MAPK10: variants seen among roughly 807,000 people sequenced by gnomAD.
MAPK10 encodes mitogen-activated protein kinase 10.
Under a neutral mutation model 59.3 loss-of-function variants are expected in MAPK10, and 25 were observed. The ratio of observed to expected loss-of-function variants is 0.42; its 90% confidence interval spans 0.31 to 0.59. The LOEUF is 0.59. Ranked by LOEUF, MAPK10 falls within the 20% of genes least tolerant of loss-of-function variation. The probability of loss-of-function intolerance (pLI) is 0.15; values close to 1 mark genes in which losing one functional copy is unlikely to be tolerated. For synonymous variants in MAPK10, 190 were observed against 200.5 expected (o/e 0.95, Z 0.44); for missense variants, 351 against 568.9 (o/e 0.62, Z 3.90).
intron 2 of MAPK10, among the ~76,000 whole-genome samples, chr4:86,228,421 C>CT (rs1234541158): frequency 6.6e-6 from 1 of 152,170 alleles, no homozygotes; most frequent in Non-Finnish European, 1.5e-5. Flanking sequence ...ATATCATGTT[C>CT]TTTTTTCCTT....
At chr4:86,590,962 G>A (rs952749350) in intron 1 of MAPK10, among the ~76,000 whole-genome samples, 52 of 151,998 alleles carry the variant, frequency 3.4e-4, no homozygotes, top group African/African-American at 1.2e-3. Flanking sequence ...TTTTAGAGAA[G>A]GGATCTTGCT....
chr4:86,204,168 T>C (rs2083291951), intron 2 of MAPK10, among the ~76,000 whole-genome samples: 1 of 151,948 alleles, frequency 6.6e-6, no homozygotes, highest in African/African-American at 2.4e-5. Flanking sequence ...TTTGCCAACC[T>C]CTGATTTAGA....
At chr4:86,408,686 G>A (rs1466873542) in intron 1 of MAPK10, among the ~76,000 whole-genome samples, 4 of 152,170 alleles carry the variant, frequency 2.6e-5, no homozygotes, top group South Asian at 2.1e-4. Flanking sequence ...TCTGTTGGCT[G>A]CATAAATGTC....
intron 1 of MAPK10, among the ~76,000 whole-genome samples, chr4:86,588,288 T>G (rs1427247088): frequency 6.6e-6 from 1 of 152,224 alleles, no homozygotes; most frequent in Non-Finnish European, 1.5e-5. Flanking sequence ...ATGGCCAGCT[T>G]TCTAATTTCC....
chr4:86,491,536 G>A (rs1423146301), intron 1 of MAPK10, among the ~76,000 whole-genome samples: 1 of 152,128 alleles, frequency 6.6e-6, no homozygotes, highest in Non-Finnish European at 1.5e-5. Flanking sequence ...CAAAATATCT[G>A]GTTTCGCAGG....
At chr4:86,116,591 A>T (rs1014305934) in intron 4 of MAPK10, among the ~76,000 whole-genome samples, 1 of 152,178 alleles carries the variant, frequency 6.6e-6, no homozygotes, top group South Asian at 2.1e-4. Flanking sequence ...AACTGAGAAA[A>T]TCCCACCCTG....
chr4:86,593,244 G>C (rs1295271504), intron 1 of MAPK10, among the ~76,000 whole-genome samples: 2 of 152,140 alleles, frequency 1.3e-5, no homozygotes, highest in Non-Finnish European at 2.9e-5. Flanking sequence ...ATAAGCCTCA[G>C]ATCTCTCCAC....
At chr4:86,070,244 T>C (rs1291248303) in intron 9 of MAPK10, among the ~76,000 whole-genome samples, 1 of 152,178 alleles carries the variant, frequency 6.6e-6, no homozygotes, top group East Asian at 1.9e-4. Context: ...CAAAAACATA[T>C]GTGTGTGTAT....
chr4:86,535,912 T>C (rs2149093139), intron 1 of MAPK10, among the ~76,000 whole-genome samples: 1 of 152,340 alleles, frequency 6.6e-6, no homozygotes, highest in South Asian at 2.1e-4. Context: ...AGAAGATTCC[T>C]ATCAAGTCTA....
chr4:86,070,048 C>T (rs1489872325), intron 9 of MAPK10, among the ~76,000 whole-genome samples: 1 of 152,108 alleles, frequency 6.6e-6, no homozygotes, highest in African/African-American at 2.4e-5. Context: ...TCTTTCCTAC[C>T]TTAGGTTGCT....
At chr4:86,386,636 A>G (rs1741514248) in intron 1 of MAPK10, among the ~76,000 whole-genome samples, 1 of 151,804 alleles carries the variant, frequency 6.6e-6, no homozygotes, top group Admixed American at 6.6e-5. Context: ...GAAAGGTCCT[A>G]TTTACTGGCC....
At chr4:86,515,212 A>T (rs997308967) in intron 1 of MAPK10, among the ~76,000 whole-genome samples, 4 of 152,162 alleles carry the variant, frequency 2.6e-5, no homozygotes, top group African/African-American at 9.7e-5. Context: ...GTAGTATTCC[A>T]CAGTTTCTGT....
At chr4:86,089,223 A>G in intron 9 of MAPK10, 1 of 1,612,470 alleles carries the variant, frequency 6.2e-7, no homozygotes, top group Non-Finnish European at 8.5e-7. Flanking sequence ...GCCAGGAAAC[A>G]GCACTGCACC....
At chr4:86,152,994 T>C (rs1471998877) in intron 4 of MAPK10, among the ~76,000 whole-genome samples, 1 of 152,202 alleles carries the variant, frequency 6.6e-6, no homozygotes, top group Admixed American at 6.5e-5. Context: ...ATATTTATAT[T>C]TGGGCTGTAG....
At chr4:86,547,581 C>T (rs544916578) in intron 1 of MAPK10, among the ~76,000 whole-genome samples, 62 of 152,314 alleles carry the variant, frequency 4.1e-4, no homozygotes, top group African/African-American at 1.2e-3. Flanking sequence ...CCCCTAAGAG[C>T]GCCGCCCCCT....
At chr4:86,080,824 C>A (rs1230209693) in intron 9 of MAPK10, 1 of 151,908 alleles carries the variant, frequency 6.6e-6, no homozygotes, top group Non-Finnish European at 1.5e-5. Context: ...TTAAAAGAAT[C>A]ATCTTAATTA....
chr4:86,134,146 A>C (rs575519101), intron 4 of MAPK10, among the ~76,000 whole-genome samples: 19 of 152,282 alleles, frequency 1.2e-4, no homozygotes, highest in African/African-American at 4.3e-4. Flanking sequence ...AATTCTGTGA[A>C]TGTGCTCTGG....
chr4:86,362,452 T>G (rs1389226892), upstream of MAPK10, among the ~76,000 whole-genome samples: 3 of 151,342 alleles, frequency 2.0e-5, 1 homozygote, highest in Non-Finnish European at 4.4e-5. Flanking sequence ...ATTAAAAGCT[T>G]CCACTTATCC....
intron 1 of MAPK10, among the ~76,000 whole-genome samples, chr4:86,408,221 G>A (rs1006425932): frequency 6.6e-5 from 10 of 152,036 alleles, no homozygotes; most frequent in South Asian, 2.1e-4. Context: ...CCCTGCAAAG[G>A]ACATGAACTC....
Sources: allele counts gnomAD v4.1 joint callset (sites outside exome capture counted in the v4.1 genomes callset), GRCh38; gene constraint gnomAD v4.1.1; transcripts MANE v1.5; gene names NCBI Gene and HGNC (gene_info 2026-07-23, HGNC 2026-07-21).